TTC28: variants seen among roughly 807,000 people sequenced by gnomAD.
TTC28 encodes the protein tetratricopeptide repeat domain 28, also known as tetratricopeptide repeat protein 28.
Under a neutral mutation model 198.0 loss-of-function variants are expected in TTC28, and 61 were observed. The ratio of observed to expected loss-of-function variants is 0.31; its 90% confidence interval spans 0.25 to 0.38. TTC28 has a LOEUF of 0.38. Among genes scored for constraint, TTC28 ranks in the 10% least tolerant of loss-of-function variants. TTC28 has a pLI of 1.00. For missense variants in TTC28, 2,678 were observed against 3,164.0 expected (o/e 0.85, Z 3.69); for synonymous variants, 1,171 against 1,297.8 (o/e 0.90, Z 2.10).
intron 12 of TTC28, among the ~76,000 whole-genome samples, chr22:28,082,166 A>G (rs1941390211): frequency 6.6e-6 from 1 of 152,190 alleles, no homozygotes; most frequent in Admixed American, 6.5e-5. Flanking sequence ...GAATCTTTCA[A>G]GTTTTCTACA....
intron 2 of TTC28, among the ~76,000 whole-genome samples, chr22:28,412,892 A>C (rs1240644619): frequency 6.6e-6 from 1 of 152,208 alleles, no homozygotes; most frequent in Non-Finnish European, 1.5e-5. Context: ...TATCAGCTTT[A>C]TGATTACTAA....
At chr22:27,991,179 G>GCAGCCT (rs2146519769) in intron 19 of TTC28, among the ~76,000 whole-genome samples, 1 of 152,348 alleles carries the variant, frequency 6.6e-6, no homozygotes, top group African/African-American at 2.4e-5. Flanking sequence ...ACCACTGGGG[G>GCAGCCT]CAGCCTCGGG....
At chr22:28,048,343 G>C (rs900495807) in intron 12 of TTC28, among the ~76,000 whole-genome samples, 25 of 152,082 alleles carry the variant, frequency 1.6e-4, no homozygotes, top group African/African-American at 6.0e-4. Flanking sequence ...GCACAAGCCA[G>C]AAGCTAGCAA....
intron 5 of TTC28, among the ~76,000 whole-genome samples, chr22:28,261,976 G>T (rs1037169235): frequency 4.9e-4 from 74 of 152,230 alleles, no homozygotes; most frequent in African/African-American, 1.6e-3. Context: ...ACATTTAATA[G>T]AAGACTCCTA....
At chr22:28,167,292 A>G (rs779572370) in intron 5 of TTC28, among the ~76,000 whole-genome samples, 1 of 152,214 alleles carries the variant, frequency 6.6e-6, no homozygotes, top group South Asian at 2.1e-4. Context: ...CAATCAATAG[A>G]AAAAGAGGGA....
At chr22:28,526,678 G>A (rs987122441) in intron 2 of TTC28, among the ~76,000 whole-genome samples, 1 of 152,132 alleles carries the variant, frequency 6.6e-6, no homozygotes, top group African/African-American at 2.4e-5. Flanking sequence ...ATGATATTGA[G>A]CTTTCTTCAT....
intron 5 of TTC28, among the ~76,000 whole-genome samples, chr22:28,200,492 C>G (rs559044781): frequency 6.6e-6 from 1 of 151,958 alleles, no homozygotes; most frequent in South Asian, 2.1e-4. Flanking sequence ...TAAATTAGGA[C>G]CAAATGGAGT....
intron 2 of TTC28, among the ~76,000 whole-genome samples, chr22:28,578,841 G>C (rs2050189055): frequency 6.6e-6 from 1 of 152,058 alleles, no homozygotes; most frequent in Admixed American, 6.6e-5. Context: ...AGTGTCCATG[G>C]AAGAAACATT....
At chr22:28,032,250 AAT>A (rs1302384693) in intron 12 of TTC28, among the ~76,000 whole-genome samples, 25 of 90,042 alleles carry the variant, frequency 2.8e-4, no homozygotes, top group South Asian at 4.2e-4. Context: ...ATATATATAA[AAT>A]ATATATATAT....
At chr22:28,190,764 A>G (rs941863107) in intron 5 of TTC28, among the ~76,000 whole-genome samples, 1 of 152,164 alleles carries the variant, frequency 6.6e-6, no homozygotes, top group Admixed American at 6.5e-5. Flanking sequence ...GGACCCCATC[A>G]CTGCCCACAT....
chr22:28,530,411 G>GA (rs1263369985), intron 2 of TTC28, among the ~76,000 whole-genome samples: 1 of 152,218 alleles, frequency 6.6e-6, no homozygotes, highest in Non-Finnish European at 1.5e-5. Flanking sequence ...GGGACTATGT[G>GA]AAAAGACCAA....
intron 13 of TTC28, among the ~76,000 whole-genome samples, chr22:28,022,046 A>C (rs1013410297): frequency 1.7e-4 from 26 of 152,214 alleles, no homozygotes; most frequent in Admixed American, 1.4e-3. Context: ...GCAAGGTTAA[A>C]CATCTCCTCT....
intron 2 of TTC28, among the ~76,000 whole-genome samples, chr22:28,533,827 T>C (rs1173631157): frequency 6.6e-6 from 1 of 152,192 alleles, no homozygotes; most frequent in Non-Finnish European, 1.5e-5. Context: ...CCCTATTTAA[T>C]AAATGGTGCT....
chr22:28,678,463 G>C (rs1317001468), intron 1 of TTC28, among the ~76,000 whole-genome samples: 1 of 152,114 alleles, frequency 6.6e-6, no homozygotes, highest in East Asian at 1.9e-4. Context: ...CAAGCCCCTG[G>C]GCTCAAGCAA....
chr22:28,519,608 T>C (rs1377052253), intron 2 of TTC28, among the ~76,000 whole-genome samples: 2 of 152,210 alleles, frequency 1.3e-5, no homozygotes, highest in Admixed American at 6.5e-5. Flanking sequence ...TGAGGAGGCA[T>C]GAAGAGGTAA....
chr22:28,066,108 A>ACAG (rs1940735535), intron 12 of TTC28, among the ~76,000 whole-genome samples: 1 of 152,172 alleles, frequency 6.6e-6, no homozygotes, highest in South Asian at 2.1e-4. Flanking sequence ...TTTTATTAAG[A>ACAG]CAGAGATATC....
chr22:28,158,665 G>C (rs1283011145), intron 6 of TTC28, among the ~76,000 whole-genome samples: 1 of 152,136 alleles, frequency 6.6e-6, no homozygotes. Flanking sequence ...ACTGAGAAAA[G>C]ACAGTCTCTT....
chr22:28,153,046 G>A (rs1165138580), intron 6 of TTC28, among the ~76,000 whole-genome samples: 4 of 152,054 alleles, frequency 2.6e-5, no homozygotes, highest in Non-Finnish European at 5.9e-5. Flanking sequence ...ATATGGATGT[G>A]TATTATATAG....
Position 28,282,403 on chromosome 22 carries a change from A to G in TTC28, c.933+13795T>C, listed in dbSNP as rs2044600272. 2.0e-5 allele frequency among the ~76,000 whole-genome samples: 3 copies of G among 152,222 alleles called. No individual in the cohort carries two copies. The South Asian group carries it at 6.2e-4, about 31-fold the overall frequency. On this transcript the variant is annotated intron_variant, in intron 5 of 22. Coordinates refer to ENST00000397906, the MANE Select transcript of TTC28 (RefSeq NM_001145418.2). ...TCAATGTACAAAAGACTCTGGAAGC[A>G]CTATCCAATAGAATTTTCTAAGATG... is the stretch of plus-strand genomic sequence containing the variant.
Sources: allele counts gnomAD v4.1 joint callset (sites outside exome capture counted in the v4.1 genomes callset), GRCh38; gene constraint gnomAD v4.1.1; transcripts MANE v1.5; gene names NCBI Gene and HGNC (gene_info 2026-07-23, HGNC 2026-07-21).